The following CREM variants were observed in gnomAD, a reference collection of about 807,000 sequenced individuals.
The protein encoded by CREM is cAMP-responsive element modulator.
A neutral mutation model predicts 37.3 loss-of-function variants in CREM; 13 were observed. The observed-to-expected ratio is 0.35, with a 90% CI of 0.23 to 0.55. CREM has a LOEUF of 0.55. Among genes scored for constraint, CREM ranks in the 20% least tolerant of loss-of-function variants. The pLI is 0.88. For missense variants in CREM, 296 were observed against 362.3 expected, an observed-to-expected ratio of 0.82 and a Z score of 1.49; for synonymous variants, 124 against 120.2, an observed-to-expected ratio of 1.03 and a Z score of -0.21.
At chr10:35,176,784 T>C (rs2094112090) in intron 3 of CREM, among the ~76,000 whole-genome samples, 1 of 152,186 alleles carries the variant, frequency 6.6e-6, no homozygotes, top group African/African-American at 2.4e-5. Context: ...TAGGTAGATA[T>C]AAATTTATTT....
intron 3 of CREM, among the ~76,000 whole-genome samples, chr10:35,177,869 T>C (rs1589974398): frequency 1.3e-5 from 2 of 152,130 alleles, no homozygotes; most frequent in East Asian, 3.8e-4. Context: ...TATTTAATAT[T>C]TGGTGGTGAT....
chr10:35,164,942 G>A (rs965246666), intron 3 of CREM, among the ~76,000 whole-genome samples: 8 of 151,442 alleles, frequency 5.3e-5, no homozygotes, highest in Admixed American at 3.9e-4. Context: ...TCCCAGCTAC[G>A]CCGGAGGCTG....
intron 3 of CREM, among the ~76,000 whole-genome samples, chr10:35,170,164 A>G (rs1243663395): frequency 6.6e-6 from 1 of 151,970 alleles, no homozygotes; most frequent in Non-Finnish European, 1.5e-5. Context: ...ACGGGGTTTC[A>G]CCATGTTAGC....
At chr10:35,144,339 A>G (rs116381378) in intron 2 of CREM, among the ~76,000 whole-genome samples, 1 of 152,142 alleles carries the variant, frequency 6.6e-6, no homozygotes, top group Non-Finnish European at 1.5e-5. Flanking sequence ...CTGATTATAT[A>G]TAGACACACG....
chr10:35,129,931 T>C (rs1350517058), intron 1 of CREM, among the ~76,000 whole-genome samples: 1 of 152,048 alleles, frequency 6.6e-6, no homozygotes, highest in Non-Finnish European at 1.5e-5. Flanking sequence ...GCATGGTGGC[T>C]CACGCCTGTA....
intron 1 of CREM, among the ~76,000 whole-genome samples, chr10:35,133,992 C>T (rs951398550): frequency 1.3e-5 from 2 of 151,826 alleles, no homozygotes; most frequent in Non-Finnish European, 2.9e-5. Flanking sequence ...CTTATATATA[C>T]CTAGTTTTTC....
At chr10:35,127,390 C>G (rs955438006) in intron 1 of CREM, 197 bp downstream of exon 1, 50 of 151,970 alleles carry the variant, frequency 3.3e-4, no homozygotes, top group African/African-American at 1.2e-3. Context: ...CTGACGCGGC[C>G]CCTCGCTCGG....
intron 1 of CREM, among the ~76,000 whole-genome samples, chr10:35,128,815 G>A (rs1324575810): frequency 6.6e-6 from 1 of 152,078 alleles, no homozygotes; most frequent in Non-Finnish European, 1.5e-5. Flanking sequence ...ATGAGCCACC[G>A]CTCCCGGCCT....
chr10:35,207,426 AAATGATAATAAAAT>A (rs1298855514), intron 7 of CREM, among the ~76,000 whole-genome samples: 6 of 151,328 alleles, frequency 4.0e-5, no homozygotes, highest in African/African-American at 1.5e-4. Context: ...AAATATTAAT[AAATGATAATAAAAT>A]AATGATAAAA....
At chr10:35,131,317 A>G (rs965671240) in intron 1 of CREM, among the ~76,000 whole-genome samples, 1 of 152,230 alleles carries the variant, frequency 6.6e-6, no homozygotes, top group Non-Finnish European at 1.5e-5. Context: ...GTGTCTTTAA[A>G]GTTATCTTAG....
Position 35,199,887 on chromosome 10 carries a change from CTT to C in CREM, c.599-6990_599-6989del, listed in dbSNP as rs5784443. On this transcript the variant is annotated intron_variant, in intron 6 of 7. Coordinates refer to ENST00000685392, the MANE Select transcript of CREM (RefSeq NM_183011.2). ...ATATTATTTTAAGTCGTTAAAATGG[CTT>C]TTTTTTTTTTTTTTTTTAAGACAGA... is the stretch of plus-strand genomic sequence containing the variant. 5.0e-3 allele frequency among the ~76,000 whole-genome samples: 606 copies of C among 121,358 alleles called. 4 individuals are homozygous for C. The highest frequency in any genetic ancestry group is 0.018 in the African/African-American group (572 of 32,468). The allele number at this position is 121,358 out of a possible 152,430, so 79.6% of individuals were successfully genotyped here.
At chr10:35,140,936 G>T (rs2091334170) in intron 2 of CREM, among the ~76,000 whole-genome samples, 1 of 152,156 alleles carries the variant, frequency 6.6e-6, no homozygotes, top group Admixed American at 6.6e-5. Context: ...TAAGGCTGTA[G>T]GACTAAAATG....
chr10:35,147,637 C>T (rs1196198769), intron 2 of CREM, among the ~76,000 whole-genome samples: 1 of 152,148 alleles, frequency 6.6e-6, no homozygotes, highest in Non-Finnish European at 1.5e-5. Flanking sequence ...GAAATTCCTT[C>T]ACACTACCTC....
chr10:35,203,773 A>C (rs768223646), intron 6 of CREM, among the ~76,000 whole-genome samples: 7 of 151,644 alleles, frequency 4.6e-5, no homozygotes, highest in Non-Finnish European at 8.8e-5. Flanking sequence ...TCATGGAACC[A>C]TCCTGCTCTA....
intron 6 of CREM, among the ~76,000 whole-genome samples, chr10:35,194,035 T>C (rs1306603743): frequency 7.3e-6 from 1 of 136,704 alleles, no homozygotes; most frequent in African/African-American, 2.8e-5. Context: ...AGGCGGAGGT[T>C]GCAGTGAGCC....
chr10:35,163,033 A>T (rs896671471), intron 3 of CREM, among the ~76,000 whole-genome samples: 6 of 148,558 alleles, frequency 4.0e-5, no homozygotes, highest in African/African-American at 9.8e-5. Context: ...TCAAGGTAAG[A>T]CTCCATCTCT....
At chr10:35,157,824 A>G (rs963551225) in intron 3 of CREM, among the ~76,000 whole-genome samples, 1 of 152,020 alleles carries the variant, frequency 6.6e-6, no homozygotes, top group African/African-American at 2.4e-5. Context: ...AAAAAAAGGA[A>G]CAAAAATTAG....
chr10:35,169,965 C>CTTTT lies in CREM; in HGVS notation c.169-8912_169-8909dup, dbSNP rs71033381. Among the ~76,000 whole-genome samples the CTTTT allele has an allele frequency of 4.4e-4, 60 of 135,542 alleles. 1 individual carries two copies. Among genetic ancestry groups the CTTTT allele is most frequent in the Non-Finnish European group, 5.5e-4 (35 of 63,632 alleles). The allele number at this position is 135,542 out of a possible 152,430, so 88.9% of individuals were successfully genotyped here. A position where few individuals can be genotyped will look rare whatever the true frequency, so the allele number is the denominator to read the frequency against. On this transcript the variant is annotated intron_variant, in intron 3 of 7. Transcript: ENST00000685392. ...AGCCCATTTGATCATGGTGGAGAAG[C>CTTTT]TTTTTTTTTTTTTTTGAGATGGAGT... is the stretch of plus-strand genomic sequence containing the variant.
rs746900898 is a variant in CREM, at chr10:35,211,246, G to C, written c.756-8G>C. ...TTCCTGTAGTCATTTGCCTTGTGTT[G>C]CTTCCAGGGAAGCTGCCCGGGAGTG... On this transcript the variant is annotated splice_region_variant and splice_polypyrimidine_tract_variant and intron_variant, in intron 7 of 7. Coordinates refer to ENST00000685392, the MANE Select transcript of CREM (RefSeq NM_183011.2). The C allele has an allele frequency of 1.9e-6, 3 of 1,611,672 alleles. No homozygotes were observed. The highest frequency in any genetic ancestry group is 2.2e-5 in the East Asian group (1 of 44,868).
Sources: allele counts gnomAD v4.1 joint callset (sites outside exome capture counted in the v4.1 genomes callset), GRCh38; gene constraint gnomAD v4.1.1; transcripts MANE v1.5; gene names NCBI Gene and HGNC (gene_info 2026-07-23, HGNC 2026-07-21).